COMMD3: variants seen among roughly 807,000 people sequenced by gnomAD.
The protein encoded by COMMD3 is COMM domain-containing protein 3.
A neutral mutation model predicts 31.2 loss-of-function variants in COMMD3; 31 were observed. The observed-to-expected ratio is 0.99, with a 90% confidence interval of 0.75 to 1.34. The LOEUF is 1.34. COMMD3 is among the 40% of genes most tolerant of loss of function. The pLI is 0.00. For synonymous variants in COMMD3, 108 were observed against 87.3 expected, an observed-to-expected ratio of 1.24 and a Z score of -1.32; for missense variants, 274 against 236.9, an observed-to-expected ratio of 1.16 and a Z score of -1.03.
rs1188399102 is a variant in COMMD3, at chr10:22,319,876, G to A, written c.529-63G>A. 2.5e-6 allele frequency: 4 copies of A among 1,584,124 alleles called. No individual in the cohort carries two copies. In the African/African-American group the frequency reaches 4.1e-5, roughly 16 times the overall value. Reference sequence around the variant, plus strand: ...TGATTTTTTTTCTTGCATCTTTCTTGAGCTTGGATACTTCTTTCCATGTTT... The same window carrying A: ...TGATTTTTTTTCTTGCATCTTTCTTAAGCTTGGATACTTCTTTCCATGTTT... On this transcript the variant is annotated intron_variant, in intron 7 of 7. Coordinates refer to ENST00000376836, the MANE Select transcript of COMMD3 (RefSeq NM_012071.4).
Position 22,320,110 on chromosome 10 carries a change from TCC to T in COMMD3, c.*113_*114del, listed in dbSNP as rs1228595042. 1 of 1,591,074 alleles carries T rather than the reference TCC, an allele frequency of 6.3e-7. No homozygotes were observed. Among genetic ancestry groups the T allele is most frequent in the Non-Finnish European group, 8.6e-7 (1 of 1,167,804 alleles). On this transcript the variant is annotated 3_prime_UTR_variant, in exon 8 of 8. Transcript: ENST00000376836. Reference sequence around the variant, plus strand: ...TGTCCTTTTCAGTAGAAAAGAATTTTCCTTTTGAATTTATACCATTCATCAAT... The same window carrying T: ...TGTCCTTTTCAGTAGAAAAGAATTTTTTTTGAATTTATACCATTCATCAAT...
At chr10:22,318,229 A>G (rs747722078) in intron 3 of COMMD3, 43 bp from the exon 4 acceptor site, 19 of 1,589,086 alleles carry the variant, frequency 1.2e-5, no homozygotes, top group Non-Finnish European at 1.6e-5. Flanking sequence ...GTTTGTAAAG[A>G]TGTTTTTTTT....
At chr10:22,319,833 T>C in intron 7 of COMMD3, 106 bp from the exon 8 acceptor site, 1 of 1,381,426 alleles carries the variant, frequency 7.2e-7, no homozygotes, top group Non-Finnish European at 9.9e-7. Flanking sequence ...ATTTTAAACT[T>C]GTTTGGAAGG....
rs1835851286 is a variant in COMMD3, at chr10:22,316,476, T to G, written c.59T>G (p.Phe20Cys). Residue 20 changes from phenylalanine (F) to cysteine (C), a missense_variant, in exon 1 of 8, where the codon TTC becomes TGC. Phe to Cys is a radical substitution (Grantham distance 205). Coordinates refer to ENST00000376836, the MANE Select transcript of COMMD3 (RefSeq NM_012071.4). ...CAGATGCTGGCGGATCCCCGCTCCT[T>G]CGACTCCAACGCCTTCACGCTTCTC... ...GFQMLADPRS[F>C]DSNAFTLLLR... is the part of the protein sequence containing the mutation. The G allele has an allele frequency of 6.4e-7, 1 of 1,550,458 alleles. No homozygotes were observed. Among genetic ancestry groups the G allele is most frequent in the Admixed American group, 2.0e-5 (1 of 50,990 alleles).
intron 7 of COMMD3, 102 bp from the exon 8 acceptor site, chr10:22,319,837 T>G: frequency 7.1e-7 from 1 of 1,407,580 alleles, no homozygotes; most frequent in Non-Finnish European, 9.7e-7. Context: ...TAAACTTGTT[T>G]GGAAGGTGTG....
At chr10:22,319,639 A>G in intron 7 of COMMD3, 1 of 222,434 alleles carries the variant, frequency 4.5e-6, no homozygotes, top group East Asian at 9.7e-5. Flanking sequence ...CTTTCAGAAA[A>G]TGTGTATACA....
At chr10:22,318,071 G>T in intron 2 of COMMD3, 34 bp from the exon 3 acceptor site, 1 of 1,604,874 alleles carries the variant, frequency 6.2e-7, no homozygotes, top group Non-Finnish European at 8.5e-7. Context: ...TAAAAATGGA[G>T]ACAGAACTTT....
intron 1 of COMMD3, 67 bp from the exon 2 acceptor site, chr10:22,317,817 T>C (rs756180400): frequency 3.2e-6 from 5 of 1,555,426 alleles, no homozygotes; most frequent in Middle Eastern, 3.4e-4. Flanking sequence ...AATTAAAATA[T>C]CCTTTTTGGA....
rs1215298658 is a variant in COMMD3 at position 22,320,214 on chromosome 10, T to G, written c.*216T>G. 5.5e-6 allele frequency: 7 copies of G among 1,273,026 alleles called. No homozygotes were observed. Among genetic ancestry groups the G allele is most frequent in the Non-Finnish European group, 7.4e-6 (7 of 948,528 alleles). 78.9% of individuals were successfully genotyped at this position (1,273,026 alleles called of 1,614,324 possible). A position where few individuals can be genotyped will look rare whatever the true frequency, so the allele number is the denominator to read the frequency against. Reference sequence around the variant, plus strand: ...AGTATTTGAATCGTTTAGTAGTAACTGTCCATTTATCCTATTTTGATCTTT... The same window carrying G: ...AGTATTTGAATCGTTTAGTAGTAACGGTCCATTTATCCTATTTTGATCTTT... On this transcript the variant is annotated 3_prime_UTR_variant, in exon 8 of 8. Coordinates refer to ENST00000376836, the MANE Select transcript of COMMD3 (RefSeq NM_012071.4).
In COMMD3 at chr10:22,318,821, A is replaced by G. The variant is rs769760574; in HGVS notation, c.427A>G (p.Arg143Gly). 12 of 1,613,876 alleles carry G rather than the reference A, an allele frequency of 7.4e-6. No individual in the cohort carries two copies. The South Asian group carries it at 1.3e-4, about 18-fold the overall frequency. The change falls in exon 6 of 8, where the codon AGG becomes GGG. Residue 143 changes from arginine (R) to glycine (G), a missense_variant. Coordinates refer to ENST00000376836, the MANE Select transcript of COMMD3 (RefSeq NM_012071.4). The stretch of plus-strand genomic sequence containing the variant: ...GTTATTTTAGACCAATCAACTTCAT[A>G]GGATGTACAGACCTGCATATTTGGT... ...EYQIKTNQLH[R>G]MYRPAYLVTL...
At chr10:22,316,729 C>A in intron 1 of COMMD3, 173 bp downstream of exon 1, 2 of 1,218,384 alleles carry the variant, frequency 1.6e-6, no homozygotes, top group Non-Finnish European at 2.1e-6. Context: ...TCGGAGCAGA[C>A]TCTGAGCATT....
chr10:22,319,888 T>G (rs1588615419), intron 7 of COMMD3, 51 bp from the exon 8 acceptor site: 1 of 1,607,130 alleles, frequency 6.2e-7, no homozygotes, highest in East Asian at 2.2e-5. Flanking sequence ...GCTTGGATAC[T>G]TCTTTCCATG....
chr10:22,317,918 T>TC lies in COMMD3; in HGVS notation c.174_175insC (p.His61ThrfsTer19), dbSNP rs1475173664. Reference sequence around the variant, plus strand: ...ACTTGAAACATATCGACCCAGTGGTTTTAAAACATTGTCATGCAGCAGCTG... The same window carrying TC: ...ACTTGAAACATATCGACCCAGTGGTTCTTAAAACATTGTCATGCAGCAGCTG... On this transcript the variant is annotated frameshift_variant, in exon 2 of 8. Transcript: ENST00000376836. LOFTEE classifies it high-confidence loss of function. The TC allele has an allele frequency of 6.2e-7, 1 of 1,614,022 alleles. No individual in the cohort carries two copies. Among genetic ancestry groups the TC allele is most frequent in the South Asian group, 1.1e-5 (1 of 91,082 alleles).
At position 22,318,877 on chromosome 10, in the gene COMMD3, G is replaced by A. The variant is rs1835904423; in HGVS notation, c.468+15G>A. Reference sequence around the variant, plus strand: ...TAAGTGTACAGGTATTTATAGATAAGTCTTATCCAATAATGAAATTTATAA... The same window carrying A: ...TAAGTGTACAGGTATTTATAGATAAATCTTATCCAATAATGAAATTTATAA... On this transcript the variant is annotated intron_variant, in intron 6 of 7. Coordinates refer to ENST00000376836, the MANE Select transcript of COMMD3 (RefSeq NM_012071.4). 6.2e-7 allele frequency: 1 copy of A among 1,612,932 alleles called. No homozygotes were observed. Among genetic ancestry groups the A allele is most frequent in the Non-Finnish European group, 8.5e-7 (1 of 1,179,422 alleles).
At position 22,316,569 on chromosome 10, in the gene COMMD3, G is replaced by T. The variant is rs1197694499; in HGVS notation, c.139+13G>T. On this transcript the variant is annotated intron_variant, in intron 1 of 7. Transcript: ENST00000376836. ...GAGGCCGTGTTAGGTAAGCCGCTCG[G>T]CTCGGCTCGGAGCTGGATCCGCCGG... 15 of 1,539,662 alleles carry T rather than the reference G, an allele frequency of 9.7e-6. No individual in the cohort carries two copies. Among genetic ancestry groups the T allele is most frequent in the African/African-American group, 1.4e-5 (1 of 72,542 alleles).
rs199921951 is a variant in COMMD3, at chr10:22,316,423, G to A, written c.6G>A (p.Glu2=). 1 of 1,536,754 alleles carries A rather than the reference G, an allele frequency of 6.5e-7. No individual in the cohort carries two copies. The highest frequency in any genetic ancestry group is 8.8e-7 in the Non-Finnish European group (1 of 1,138,720). Residue 2 remains glutamate (E), a synonymous_variant, in exon 1 of 8, where the codon GAG becomes GAA. Transcript: ENST00000376836. ...AAGGTCACGGCGCGCTCACAATGGA[G>A]CTCTCGGAGTCTGTGCAGAAAGGCT... M[E]LSESVQKGFQ...
In COMMD3 at chr10:22,319,007, G is replaced by A. The variant is rs370953837; in HGVS notation, c.517G>A (p.Glu173Lys). Residue 173 changes from glutamate to lysine, a missense_variant, in exon 7 of 8, where the codon GAA becomes AAA. Physicochemically the swap from Glu to Lys is moderately conservative, Grantham distance 56. Transcript: ENST00000376836. ...YPEISFSCSM[E>K]QLQDLVGKLK... is the part of the protein sequence containing the mutation. Reference sequence around the variant, plus strand: ...AGAGATTAGTTTTAGTTGCAGCATGGAACAATTACAGGTACAGTATTAGGA... The same window carrying A: ...AGAGATTAGTTTTAGTTGCAGCATGAAACAATTACAGGTACAGTATTAGGA... 5.3e-5 allele frequency: 86 copies of A among 1,611,042 alleles called. No homozygotes were observed. Among genetic ancestry groups the A allele is most frequent in the Non-Finnish European group, 7.0e-5 (82 of 1,179,062 alleles).
Position 22,317,916 on chromosome 10 carries a change from G to A in COMMD3, c.172G>A (p.Val58Ile), listed in dbSNP as rs1835882034. 6.2e-7 allele frequency: 1 copy of A among 1,613,842 alleles called. No homozygotes were observed. The highest frequency in any genetic ancestry group is 1.3e-5 in the African/African-American group (1 of 74,904). ...HPDLKHIDPV[V>I]LKHCHAAAAT... ...AGACTTGAAACATATCGACCCAGTG[G>A]TTTTAAAACATTGTCATGCAGCAGC... The change falls in exon 2 of 8, where the codon GTT becomes ATT. Residue 58 changes from valine (V) to isoleucine (I), a missense_variant. By Grantham distance (29) the Val-to-Ile change is conservative. Transcript: ENST00000376836.
In COMMD3 at chr10:22,317,894, C is replaced by G. The variant is rs1271805429; in HGVS notation, c.150C>G (p.Asp50Glu). ...QADEAVLDHPDLKHIDPVVLK... is the reference protein window; with the variant it reads ...QADEAVLDHPELKHIDPVVLK... The stretch of plus-strand genomic sequence containing the variant: ...GTTAATTTATTTTAGATCATCCAGA[C>G]TTGAAACATATCGACCCAGTGGTTT... The change falls in exon 2 of 8, where the codon GAC (aspartate) becomes GAG (glutamate). Residue 50 changes from aspartate to glutamate, a missense_variant. Asp to Glu is a conservative substitution (Grantham distance 45). Transcript: ENST00000376836. 1 of 1,613,738 alleles carries G rather than the reference C, an allele frequency of 6.2e-7. No individual in the cohort carries two copies. The highest frequency in any genetic ancestry group is 1.3e-5 in the African/African-American group (1 of 74,912).
Sources: gnomAD v4.1 joint callset for allele counts on GRCh38, gnomAD v4.1.1 for gene constraint, MANE v1.5 for transcripts, NCBI Gene and HGNC (gene_info 2026-07-23, HGNC 2026-07-21) for gene names.